Variants in SLC25A26 observed in about 807,000 individuals in gnomAD.
SLC25A26 encodes mitochondrial S-adenosylmethionine carrier protein.
Under a neutral mutation model 37.8 loss-of-function variants are expected in SLC25A26, and 36 were observed. The observed-to-expected ratio is 0.95, with a 90% CI of 0.73 to 1.26. The LOEUF (loss-of-function observed/expected upper bound fraction) is 1.26, where lower values mean the gene tolerates loss of function less well. Among genes scored for constraint, SLC25A26 ranks in the 50% most tolerant of loss-of-function variants. SLC25A26 has a pLI of 0.00. For missense variants in SLC25A26, 390 were observed against 331.1 expected (o/e 1.18, Z -1.38); for synonymous variants, 129 against 122.5 (o/e 1.05, Z -0.35).
intron 2 of SLC25A26, among the ~76,000 whole-genome samples, chr3:66,242,177 T>C (rs1044392761): frequency 1.6e-4 from 25 of 152,184 alleles, no homozygotes; most frequent in African/African-American, 5.8e-4. Flanking sequence ...TTTACCACTG[T>C]CTCTCTCCCT....
chr3:66,318,588 G>A (rs1015344156), intron 5 of SLC25A26, among the ~76,000 whole-genome samples: 5 of 151,960 alleles, frequency 3.3e-5, no homozygotes, highest in Non-Finnish European at 1.5e-5. Context: ...CCTTCTCAGT[G>A]GAAGCCACAG....
intron 1 of SLC25A26, among the ~76,000 whole-genome samples, chr3:66,202,823 T>TCTGA (rs1232786557): frequency 6.6e-6 from 1 of 152,166 alleles, no homozygotes; most frequent in Non-Finnish European, 1.5e-5. Flanking sequence ...GTGGCAAGTG[T>TCTGA]CTGAGTGTGA....
In SLC25A26 at chr3:66,352,861, G is replaced by A. The variant is rs528503864; in HGVS notation, c.498+6453G>A. ...CATGTCACCTCAGAGAGACGTTCCC[G>A]GTCTACCCCTCTCCAAAGTAGGACT... On this transcript the variant is annotated intron_variant, in intron 6 of 9. Transcript: ENST00000354883. Among the ~76,000 whole-genome samples the A allele has an allele frequency of 5.3e-5, 8 of 151,998 alleles. No homozygotes were observed. The South Asian group carries it at 8.3e-4, about 16-fold the overall frequency.
intron 1 of SLC25A26, among the ~76,000 whole-genome samples, chr3:66,199,757 G>GT (rs1204734912): frequency 6.6e-6 from 1 of 151,774 alleles, no homozygotes; most frequent in Non-Finnish European, 1.5e-5. Flanking sequence ...GCTGCACCCT[G>GT]TCATGACCCT....
At chr3:66,225,351 G>T (rs990929235) in intron 1 of SLC25A26, among the ~76,000 whole-genome samples, 1 of 152,182 alleles carries the variant, frequency 6.6e-6, no homozygotes. Flanking sequence ...AGCTGCCAAG[G>T]CTTGGGGCTT....
At chr3:66,297,818 C>G (rs901027048) in intron 5 of SLC25A26, among the ~76,000 whole-genome samples, 6 of 152,200 alleles carry the variant, frequency 3.9e-5, no homozygotes, top group African/African-American at 1.4e-4. Flanking sequence ...AAAAAGTTTT[C>G]TGAATCCTAG....
chr3:66,261,134 A>C (rs146081940), intron 3 of SLC25A26, among the ~76,000 whole-genome samples: 102 of 152,356 alleles, frequency 6.7e-4, no homozygotes, highest in African/African-American at 2.4e-3. Context: ...CCCGAGTGCC[A>C]TAACTTTCAT....
intron 1 of SLC25A26, among the ~76,000 whole-genome samples, chr3:66,201,144 C>T (rs2106813051): frequency 6.6e-6 from 1 of 151,790 alleles, no homozygotes; most frequent in East Asian, 1.9e-4. Flanking sequence ...GAAATGAGAC[C>T]AGTAAGAAAT....
chr3:66,149,556 T>C (rs776398523), intron 1 of SLC25A26, among the ~76,000 whole-genome samples: 7 of 152,228 alleles, frequency 4.6e-5, no homozygotes, highest in Non-Finnish European at 8.8e-5. Flanking sequence ...TTAGAGTTCA[T>C]TGTGCTCTTA....
chr3:66,167,322 G>T (rs2070438317), intron 1 of SLC25A26, among the ~76,000 whole-genome samples: 1 of 152,104 alleles, frequency 6.6e-6, no homozygotes, highest in Admixed American at 6.5e-5. Context: ...AGCTGCCTGT[G>T]GGAAATAATC....
chr3:66,355,575 G>A (rs1439593666), intron 6 of SLC25A26, among the ~76,000 whole-genome samples: 1 of 152,158 alleles, frequency 6.6e-6, no homozygotes, highest in East Asian at 1.9e-4. Context: ...CCAAATTGTG[G>A]TTCCCAGTTA....
intron 6 of SLC25A26, among the ~76,000 whole-genome samples, chr3:66,357,557 C>A (rs1348770616): frequency 6.6e-6 from 1 of 152,128 alleles, no homozygotes; most frequent in Non-Finnish European, 1.5e-5. Flanking sequence ...AGTTGAGACT[C>A]CAATACTGCT....
intron 5 of SLC25A26, among the ~76,000 whole-genome samples, chr3:66,273,951 A>G (rs1184488302): frequency 1.3e-5 from 2 of 152,204 alleles, no homozygotes; most frequent in African/African-American, 4.8e-5. Context: ...AGTCAGTCCT[A>G]AGCCAAAAGA....
At chr3:66,331,877 T>C (rs1315201969) in intron 5 of SLC25A26, among the ~76,000 whole-genome samples, 2 of 152,164 alleles carry the variant, frequency 1.3e-5, no homozygotes, top group Non-Finnish European at 2.9e-5. Flanking sequence ...ATATTTTCAC[T>C]TTCCTCTTGT....
At chr3:66,208,065 C>A (rs1158903286) in intron 1 of SLC25A26, among the ~76,000 whole-genome samples, 3 of 152,162 alleles carry the variant, frequency 2.0e-5, no homozygotes, top group South Asian at 4.1e-4. Flanking sequence ...TAAATTGCTA[C>A]AGAAAAATGA....
At chr3:66,136,778 G>T (rs2069952608) in intron 1 of SLC25A26, among the ~76,000 whole-genome samples, 2 of 152,266 alleles carry the variant, frequency 1.3e-5, no homozygotes, top group South Asian at 4.1e-4. Context: ...GCATTAAATT[G>T]TATACAAAGC....
chr3:66,227,788 G>A (rs1308324264), intron 1 of SLC25A26, among the ~76,000 whole-genome samples: 1 of 152,172 alleles, frequency 6.6e-6, no homozygotes, highest in African/African-American at 2.4e-5. Flanking sequence ...CCACCTTACA[G>A]GCAGTAGGAT....
intron 1 of SLC25A26, among the ~76,000 whole-genome samples, chr3:66,226,331 T>A (rs2071748979): frequency 6.6e-6 from 1 of 152,160 alleles, no homozygotes; most frequent in East Asian, 1.9e-4. Flanking sequence ...TTATTCACTA[T>A]CACCAGAACA....
rs147958865 is a variant in SLC25A26 at position 66,333,322 on chromosome 3, T to C, written c.454-13042T>C. ...ATCTGTCCTCCAAGTCTCTTATCTT[T>C]TCTGTCGTCATTTCTATTTTGTTGC... On this transcript the variant is annotated intron_variant, in intron 5 of 9. Transcript: ENST00000354883. 4.9e-4 allele frequency among the ~76,000 whole-genome samples: 74 copies of C among 152,318 alleles called. 1 individual carries two copies. Among genetic ancestry groups the C allele is most frequent in the African/African-American group, 1.6e-3 (65 of 41,590 alleles).
Sources: allele counts gnomAD v4.1 joint callset (sites outside exome capture counted in the v4.1 genomes callset), GRCh38; gene constraint gnomAD v4.1.1; transcripts MANE v1.5; gene names NCBI Gene and HGNC (gene_info 2026-07-23, HGNC 2026-07-21).